RPS10: variants seen among roughly 807,000 people sequenced by gnomAD.
RPS10 encodes the protein small ribosomal subunit protein eS10.
In RPS10, 2 loss-of-function variants were observed where a neutral mutation model predicts 22.6. That is an observed-to-expected ratio of 0.09 (90% confidence interval 0.04 to 0.28). The LOEUF (loss-of-function observed/expected upper bound fraction) is 0.28. Among genes scored for constraint, RPS10 ranks in the 10% least tolerant of loss-of-function variants. The pLI is 1.00. For synonymous variants in RPS10, 70 were observed against 75.9 expected (o/e 0.92, Z 0.40); for missense variants, 137 against 222.2 (o/e 0.62, Z 2.44).
At chr6:34,420,703 TCAA>T (rs1008286994) in intron 4 of RPS10, among the ~76,000 whole-genome samples, 12 of 152,020 alleles carry the variant, frequency 7.9e-5, no homozygotes, top group Non-Finnish European at 1.2e-4. Flanking sequence ...TGTATTACAA[TCAA>T]CAACGAGTGA....
intron 1 of RPS10, chr6:34,425,652 A>T: frequency 3.9e-6 from 1 of 257,300 alleles, no homozygotes; most frequent in South Asian, 4.1e-5. Flanking sequence ...CCCCAAACCA[A>T]AGGGCTAAGG....
chr6:34,421,767 T>C lies in RPS10; in HGVS notation c.363A>G (p.Glu121=). Residue 121 remains glutamate, a synonymous_variant, in exon 4 of 6, where the codon GAA becomes GAG. Transcript: ENST00000648437. ...GERPARLTRG[E]ADRDTYRRSA... The stretch of plus-strand genomic sequence containing the variant: ...TCCGTCTGTAGGTATCTCTGTCAGC[T>C]TCCCCTCTTGTGAGTCTCGCAGGTC... 1.9e-6 allele frequency: 3 copies of C among 1,613,930 alleles called. No individual in the cohort carries two copies. The highest frequency in any genetic ancestry group is 1.7e-6 in the Non-Finnish European group (2 of 1,179,864).
At chr6:34,419,031 CGTTT>C (rs748854252) in intron 4 of RPS10, among the ~76,000 whole-genome samples, 86 of 152,102 alleles carry the variant, frequency 5.7e-4, no homozygotes, top group Non-Finnish European at 8.7e-4. Flanking sequence ...ATTTTTTGTT[CGTTT>C]GAGACTGAAT....
rs572655611 is a variant in RPS10 at position 34,419,824 on chromosome 6, C to T, written c.401-1400G>A. Among the ~76,000 whole-genome samples the T allele has an allele frequency of 3.3e-5, 5 of 151,952 alleles. No individual in the cohort carries two copies. In the South Asian group the frequency reaches 6.2e-4, roughly 19 times the overall value. ...AACTCCTGACCTCAGGTGATCTGCC[C>T]GCCTCGGCCTCCCAAAGTGCTGGGA... On this transcript the variant is annotated intron_variant, in intron 4 of 5. Transcript: ENST00000648437.
At chr6:34,424,585 C>G in intron 3 of RPS10, 84 bp downstream of exon 3, 4 of 1,566,092 alleles carry the variant, frequency 2.6e-6, no homozygotes, top group Middle Eastern at 1.7e-4. Flanking sequence ...CCCTCTAAAG[C>G]TGACATCAGC....
intron 4 of RPS10, 90 bp downstream of exon 4, chr6:34,421,640 C>G: frequency 6.9e-7 from 1 of 1,452,478 alleles, no homozygotes; most frequent in Non-Finnish European, 9.7e-7. Context: ...TTGTCATCAT[C>G]AAGGGCTGAG....
intron 4 of RPS10, among the ~76,000 whole-genome samples, chr6:34,419,582 ATT>A (rs34690951): frequency 0.012 from 1,717 of 147,244 alleles, 24 homozygotes; most frequent in African/African-American, 0.038. Context: ...TTATTTACTT[ATT>A]TTTTTTTTTT....
intron 3 of RPS10, among the ~76,000 whole-genome samples, chr6:34,423,306 T>C (rs561337550): frequency 6.6e-6 from 1 of 152,216 alleles, no homozygotes; most frequent in Non-Finnish European, 1.5e-5. Context: ...CTGGCTAATT[T>C]ATTTTTTTGT....
intron 2 of RPS10, 27 bp from the exon 3 acceptor site, chr6:34,424,867 G>T (rs749811439): frequency 1.2e-6 from 2 of 1,613,518 alleles, no homozygotes; most frequent in Non-Finnish European, 8.5e-7. Flanking sequence ...TACTGTTAAG[G>T]CGTTAAGTAG....
intron 1 of RPS10, 31 bp from the exon 2 acceptor site, chr6:34,425,252 T>C (rs1159522858): frequency 5.0e-6 from 8 of 1,584,876 alleles, no homozygotes; most frequent in African/African-American, 1.3e-5. Context: ...TCAAGAGCAC[T>C]TCTGAGTAAC....
At chr6:34,421,175 T>C (rs1360147687) in intron 4 of RPS10, among the ~76,000 whole-genome samples, 2 of 151,280 alleles carry the variant, frequency 1.3e-5, no homozygotes, top group Non-Finnish European at 2.9e-5. Context: ...GAAACCATAT[T>C]TGTTATTGGC....
In RPS10 at chr6:34,417,721, A is replaced by G. The variant is rs116500841; in HGVS notation, c.457-174T>C. 2,899 of 731,970 alleles carry G rather than the reference A, an allele frequency of 4.0e-3. 34 individuals are homozygous for G. The highest frequency in any genetic ancestry group is 0.024 in the African/African-American group (1,366 of 57,502). 45.3% of individuals were successfully genotyped at this position (731,970 alleles called of 1,614,324 possible). ...ACTGCCCCTTACTGGATGTGGGGCC[A>G]TATCTAACATCTAGGCCCATTTCTT... On this transcript the variant is annotated intron_variant, in intron 5 of 5. Transcript: ENST00000648437.
intron 4 of RPS10, among the ~76,000 whole-genome samples, 158 bp downstream of exon 4, chr6:34,421,572 A>G (rs1765771133): frequency 6.6e-6 from 1 of 152,168 alleles, no homozygotes; most frequent in Non-Finnish European, 1.5e-5. Flanking sequence ...AGAAGCACAA[A>G]GGACTCCAGC....
rs139051906 is a variant in RPS10, at chr6:34,419,599, C to T, written c.401-1175G>A. Among the ~76,000 whole-genome samples, 750 of 150,118 alleles carry T rather than the reference C, an allele frequency of 5.0e-3. 3 individuals are homozygous for T. Among genetic ancestry groups the T allele is most frequent in the African/African-American group, 0.017 (712 of 40,788 alleles). ...ATTTACTTATTTTTTTTTTTTGAGA[C>T]GAAGTCTCACTCTTGTCCCTGAGGC... is the stretch of plus-strand genomic sequence containing the variant. On this transcript the variant is annotated intron_variant, in intron 4 of 5. Coordinates refer to ENST00000648437, the MANE Select transcript of RPS10 (RefSeq NM_001014.5).
chr6:34,418,321 G>A (rs1765645834), intron 5 of RPS10, 48 bp downstream of exon 5: 1 of 1,613,732 alleles, frequency 6.2e-7, no homozygotes, highest in Non-Finnish European at 8.5e-7. Flanking sequence ...ACCAGACTGA[G>A]GCCAGAACAA....
chr6:34,424,701 C>G lies in RPS10; in HGVS notation c.290G>C (p.Ser97Thr). ...CCGAGGCCTGCCAGTCTCTGGACGG[C>G]TACGGCGTAGGGTGGCAGGCACAAT... ...PEIVPATLRR[S>T]RPETGRPRPK... is the part of the protein sequence containing the mutation. Residue 97 changes from serine to threonine, a missense_variant, in exon 3 of 6, where the codon AGC (serine) becomes ACC (threonine). Coordinates refer to ENST00000648437, the MANE Select transcript of RPS10 (RefSeq NM_001014.5). 2 of 1,614,180 alleles carry G rather than the reference C, an allele frequency of 1.2e-6. No homozygotes were observed. Among genetic ancestry groups the G allele is most frequent in the Non-Finnish European group, 1.7e-6 (2 of 1,180,040 alleles).
In RPS10 at chr6:34,417,486, C is replaced by A; in HGVS notation, c.*20G>T. 1 of 1,608,990 alleles carries A rather than the reference C, an allele frequency of 6.2e-7. No individual in the cohort carries two copies. Among genetic ancestry groups the A allele is most frequent in the Non-Finnish European group, 8.5e-7 (1 of 1,177,018 alleles). On this transcript the variant is annotated 3_prime_UTR_variant, in exon 6 of 6. Coordinates refer to ENST00000648437, the MANE Select transcript of RPS10 (RefSeq NM_001014.5). ...TTTTTGGCTGTAAGTTTATTCAATGCAAAAGAATCCTCTCCAATTTTACTG... is the reference window on the plus strand; with the variant it reads ...TTTTTGGCTGTAAGTTTATTCAATGAAAAAGAATCCTCTCCAATTTTACTG...
chr6:34,424,290 T>C (rs1044734174), intron 3 of RPS10: 2 of 289,680 alleles, frequency 6.9e-6, no homozygotes, highest in African/African-American at 4.3e-5. Flanking sequence ...TAATTTCTTC[T>C]CCTGTTGGCA....
intron 3 of RPS10, among the ~76,000 whole-genome samples, 189 bp from the exon 4 acceptor site, chr6:34,421,996 T>C (rs768209032): frequency 1.3e-5 from 2 of 150,576 alleles, no homozygotes; most frequent in Non-Finnish European, 2.9e-5. Flanking sequence ...TAGAAACTTA[T>C]TGACAATCTT....
Sources: gnomAD v4.1 joint callset for allele counts (sites outside exome capture counted in the v4.1 genomes callset) on GRCh38, gnomAD v4.1.1 for gene constraint, MANE v1.5 for transcripts, NCBI Gene and HGNC (gene_info 2026-07-23, HGNC 2026-07-21) for gene names.